The following SAA2 variants were observed in gnomAD, a reference collection of about 807,000 sequenced individuals.
SAA2 encodes the protein serum amyloid A-2 protein.
A neutral mutation model predicts 9.1 loss-of-function variants in SAA2; 5 were observed. The ratio of observed to expected loss-of-function variants is 0.55; its 90% confidence interval spans 0.29 to 1.16. The LOEUF (loss-of-function observed/expected upper bound fraction) is 1.16, where lower values mean the gene tolerates loss of function less well. SAA2 is among the 50% of genes most tolerant of loss of function. The pLI, the probability that SAA2 is intolerant of heterozygous loss-of-function variation, is 0.09. For missense variants in SAA2, 94 were observed against 153.8 expected (o/e 0.61, Z 2.06); for synonymous variants, 49 against 59.8 (o/e 0.82, Z 0.83).
At chr11:18,244,818 T>A (rs1454144238), downstream of SAA2, among the ~76,000 whole-genome samples, 1 of 152,136 alleles carries the variant, frequency 6.6e-6, no homozygotes, top group African/African-American at 2.4e-5. Flanking sequence ...TGGGTAGAAA[T>A]TCATTAATGC....
At chr11:18,240,201 C>A in intron 3 of SAA2, 1 of 717,832 alleles carries the variant, frequency 1.4e-6, no homozygotes, top group Non-Finnish European at 2.5e-6. Flanking sequence ...GTAAATGATT[C>A]TCTTGAAATT....
At chr11:18,240,315 G>A (rs1329188549), downstream of SAA2, 2 of 702,408 alleles carry the variant, frequency 2.8e-6, no homozygotes, top group African/African-American at 1.7e-5. Context: ...CATGGAGCAG[G>A]TGGAAGGCTA....
At chr11:18,239,728 C>T in exon 4 of SAA2, 1 of 482,444 alleles carries the variant, frequency 2.1e-6, no homozygotes, top group Non-Finnish European at 3.6e-6. Flanking sequence ...CTGTATCCAG[C>T]TTCTCCTCCA....
intron 1 of SAA2, among the ~76,000 whole-genome samples, 190 bp from the exon 2 acceptor site, chr11:18,248,205 A>T (rs1657359579): frequency 3.2e-5 from 4 of 125,688 alleles, no homozygotes; most frequent in Admixed American, 1.6e-4. Flanking sequence ...TCAGCCCTGA[A>T]GCCTGACTGC....
At chr11:18,240,127 AT>A in intron 3 of SAA2, 2 of 1,027,326 alleles carry the variant, frequency 1.9e-6, no homozygotes, top group Non-Finnish European at 1.4e-6. Context: ...ATGTACACAA[AT>A]TTTTTGAAGT....
chr11:18,241,691 C>T (rs754131456), downstream of SAA2, among the ~76,000 whole-genome samples: 1 of 152,040 alleles, frequency 6.6e-6, no homozygotes, highest in Non-Finnish European at 1.5e-5. Context: ...TAAATGGGAG[C>T]TAAATAATGT....
chr11:18,240,286 C>A (rs1373745129), downstream of SAA2: 8 of 702,558 alleles, frequency 1.1e-5, no homozygotes, highest in East Asian at 1.9e-4. Context: ...CAGTCATCTT[C>A]TCTGAAATAA....
chr11:18,241,866 G>T (rs953426736), downstream of SAA2, among the ~76,000 whole-genome samples: 3 of 152,062 alleles, frequency 2.0e-5, no homozygotes, highest in African/African-American at 7.3e-5. Flanking sequence ...ATCTATCAGT[G>T]TAACAAATCT....
chr11:18,242,624 T>C (rs1255489585), downstream of SAA2: 3 of 573,998 alleles, frequency 5.2e-6, no homozygotes, highest in Non-Finnish European at 9.4e-6. Flanking sequence ...GGCAGGCAGA[T>C]CACTTGAGCC....
exon 4 of SAA2, chr11:18,239,543 C>A (rs1285000637): frequency 2.3e-5 from 9 of 397,552 alleles, no homozygotes; most frequent in Non-Finnish European, 4.0e-5. Flanking sequence ...CCTTCTCCTG[C>A]AACCACCTTC....
chr11:18,245,806 A>T (rs2445172), intron 3 of SAA2, 104 bp downstream of exon 3: 1 of 1,337,312 alleles, frequency 7.5e-7, no homozygotes, highest in South Asian at 1.4e-5. Flanking sequence ...AAGAGGAGGG[A>T]CCACAGCCTC....
downstream of SAA2, chr11:18,242,823 G>A: frequency 1.4e-6 from 1 of 701,666 alleles, no homozygotes; most frequent in Non-Finnish European, 2.6e-6. Context: ...CTTCAGCCTG[G>A]ATGAAAGAGG....
downstream of SAA2, among the ~76,000 whole-genome samples, chr11:18,244,594 G>T (rs767850178): frequency 1.3e-5 from 2 of 152,078 alleles, no homozygotes; most frequent in Non-Finnish European, 2.9e-5. Flanking sequence ...ATTACTGCCT[G>T]GTTTCTGTCT....
downstream of SAA2, chr11:18,240,317 G>T (rs890667903): frequency 2.8e-6 from 2 of 702,230 alleles, no homozygotes; most frequent in Non-Finnish European, 5.2e-6. Context: ...TGGAGCAGGT[G>T]GAAGGCTATT....
At chr11:18,238,795 C>G (rs151207389), downstream of SAA2, among the ~76,000 whole-genome samples, 263 of 151,934 alleles carry the variant, frequency 1.7e-3, no homozygotes, top group East Asian at 0.035. Context: ...ACCATCCTCA[C>G]CTCCCCTCAC....
At chr11:18,244,964 A>ACC (rs1458584225), downstream of SAA2, among the ~76,000 whole-genome samples, 1 of 152,242 alleles carries the variant, frequency 6.6e-6, no homozygotes, top group Non-Finnish European at 1.5e-5. Flanking sequence ...ACTGAGGGAC[A>ACC]GAGAAGGTAA....
Position 18,245,726 on chromosome 11 carries a change from G to A in SAA2, c.230+184C>T, listed in dbSNP as rs954845912. On this transcript the variant is annotated intron_variant, in intron 3 of 3. Coordinates refer to ENST00000256733, the MANE Select transcript of SAA2 (RefSeq NM_030754.5). ...GATGAACAGCACCCAGAGGGGGAGGGGGAGGAATCACTCACTCCTACCATC... is the reference window on the plus strand; with the variant it reads ...GATGAACAGCACCCAGAGGGGGAGGAGGAGGAATCACTCACTCCTACCATC... Among the ~76,000 whole-genome samples the A allele has an allele frequency of 1.2e-3, 183 of 152,266 alleles. 1 individual carries two copies. Among genetic ancestry groups the A allele is most frequent in the Admixed American group, 7.4e-3 (114 of 15,306 alleles).
chr11:18,243,220 T>C (rs1857399559), downstream of SAA2, among the ~76,000 whole-genome samples: 1 of 152,214 alleles, frequency 6.6e-6, no homozygotes, highest in Admixed American at 6.5e-5. Flanking sequence ...ATCCAAATGT[T>C]GCTTCAGTTA....
downstream of SAA2, among the ~76,000 whole-genome samples, chr11:18,240,868 C>A (rs962667748): frequency 3.3e-5 from 5 of 151,872 alleles, no homozygotes; most frequent in African/African-American, 1.2e-4. Flanking sequence ...TATACACAAG[C>A]AGGACTAAAC....
Sources: gnomAD v4.1 joint callset for allele counts (sites outside exome capture counted in the v4.1 genomes callset) on GRCh38, gnomAD v4.1.1 for gene constraint, MANE v1.5 for transcripts, NCBI Gene and HGNC (gene_info 2026-07-23, HGNC 2026-07-21) for gene names.